The following CAMK1D variants were observed in gnomAD, a reference collection of about 807,000 sequenced individuals.
The protein encoded by CAMK1D is calcium/calmodulin-dependent protein kinase type 1D.
In CAMK1D, 9 loss-of-function variants were observed where a neutral mutation model predicts 47.7. That is an observed-to-expected ratio of 0.19 (90% CI 0.11 to 0.33). CAMK1D has a LOEUF of 0.33. Ranked by LOEUF, CAMK1D falls within the 10% of genes least tolerant of loss-of-function variation. The pLI is 1.00. For missense variants in CAMK1D, 291 were observed against 488.7 expected (o/e 0.60, Z 3.81); for synonymous variants, 184 against 184.9 (o/e 0.99, Z 0.04).
In CAMK1D at chr10:12,835,412, A is replaced by G. The variant is rs969187129; in HGVS notation, c.*6525A>G. ...CCCACATAGGTTTGCGGCACTGCAA[A>G]ATTGTTCATGGGTCTATGTAGCAAA... is the stretch of plus-strand genomic sequence containing the variant. On this transcript the variant is annotated 3_prime_UTR_variant, in exon 11 of 11. Coordinates refer to ENST00000619168, the MANE Select transcript of CAMK1D (RefSeq NM_153498.4). The G allele has an allele frequency of 6.6e-6, 1 of 152,218 alleles. No individual in the cohort carries two copies. The highest frequency in any genetic ancestry group is 1.5e-5 in the Non-Finnish European group (1 of 68,040). The allele number at this position is 152,218 out of a possible 1,614,324, so 9.4% of individuals were successfully genotyped here.
chr10:12,490,607 G>A (rs573304770), intron 1 of CAMK1D, among the ~76,000 whole-genome samples: 1 of 152,326 alleles, frequency 6.6e-6, no homozygotes, highest in East Asian at 1.9e-4. Context: ...CCAGCACTTT[G>A]GGAGGCCGAG....
intron 3 of CAMK1D, among the ~76,000 whole-genome samples, chr10:12,748,207 T>A (rs1180514071): frequency 6.6e-6 from 1 of 152,208 alleles, no homozygotes; most frequent in Non-Finnish European, 1.5e-5. Context: ...TAAAAGTTGT[T>A]CAAAAGCAAG....
intron 2 of CAMK1D, among the ~76,000 whole-genome samples, chr10:12,573,232 A>G (rs1467011841): frequency 6.6e-6 from 1 of 152,246 alleles, no homozygotes; most frequent in Non-Finnish European, 1.5e-5. Flanking sequence ...GCCCTGGGAT[A>G]GAAAGCAGGG....
intron 1 of CAMK1D, among the ~76,000 whole-genome samples, chr10:12,406,056 T>G (rs1839412889): frequency 6.6e-6 from 1 of 152,150 alleles, no homozygotes; most frequent in South Asian, 2.1e-4. Flanking sequence ...TAGGATTGAA[T>G]GGGTGCATCA....
chr10:12,798,160 A>G (rs1838276579), intron 6 of CAMK1D, among the ~76,000 whole-genome samples: 1 of 152,224 alleles, frequency 6.6e-6, no homozygotes, highest in Admixed American at 6.5e-5. Context: ...TTCAGGCCAG[A>G]TGGAGAAACA....
chr10:12,559,733 C>T (rs941381574), intron 2 of CAMK1D, among the ~76,000 whole-genome samples: 1 of 152,142 alleles, frequency 6.6e-6, no homozygotes, highest in Admixed American at 6.5e-5. Context: ...GTGAGAACCT[C>T]GCTTCTCAAG....
chr10:12,478,531 T>C (rs1314904897), intron 1 of CAMK1D, among the ~76,000 whole-genome samples: 4 of 152,098 alleles, frequency 2.6e-5, no homozygotes, highest in African/African-American at 9.7e-5. Flanking sequence ...GGTCTCAAAC[T>C]CCTGGCCCCA....
intron 3 of CAMK1D, among the ~76,000 whole-genome samples, chr10:12,740,052 G>A (rs956332117): frequency 1.3e-5 from 2 of 152,170 alleles, no homozygotes; most frequent in Admixed American, 6.5e-5. Context: ...AGTAGTTCCT[G>A]TGTGCTGTTT....
chr10:12,494,419 T>TAC (rs1045603607), intron 1 of CAMK1D, among the ~76,000 whole-genome samples: 9 of 151,976 alleles, frequency 5.9e-5, no homozygotes, highest in Admixed American at 2.0e-4. Context: ...CACACACACG[T>TAC]ACACACACAC....
At position 12,653,959 on chromosome 10, in the gene CAMK1D, T is replaced by A. The variant is rs778492839; in HGVS notation, c.225-12777T>A. Among the ~76,000 whole-genome samples, 2 of 152,212 alleles carry A rather than the reference T, an allele frequency of 1.3e-5. 1 individual carries two copies. Among genetic ancestry groups the A allele is most frequent in the East Asian group, 3.8e-4 (2 of 5,196 alleles). ...GGTCATGGGTTTGAGTTGTGAAATA[T>A]GGACCCTTCCATGTGGGTATCAGCA... On this transcript the variant is annotated intron_variant, in intron 2 of 10. Coordinates refer to ENST00000619168, the MANE Select transcript of CAMK1D (RefSeq NM_153498.4).
At chr10:12,528,466 A>G (rs185660088) in intron 1 of CAMK1D, among the ~76,000 whole-genome samples, 1 of 152,334 alleles carries the variant, frequency 6.6e-6, no homozygotes, top group East Asian at 1.9e-4. Flanking sequence ...ATTCTATAGT[A>G]CAGACAAGCG....
At chr10:12,378,176 A>G (rs181084634) in intron 1 of CAMK1D, among the ~76,000 whole-genome samples, 1 of 152,182 alleles carries the variant, frequency 6.6e-6, no homozygotes, top group Admixed American at 6.5e-5. Context: ...CCAGGGGCCC[A>G]TGTGCAAAGG....
intron 3 of CAMK1D, among the ~76,000 whole-genome samples, chr10:12,757,387 G>T (rs1588892016): frequency 6.6e-6 from 1 of 152,114 alleles, no homozygotes; most frequent in Non-Finnish European, 1.5e-5. Flanking sequence ...TTTAATTGGG[G>T]AACTTCATTT....
intron 1 of CAMK1D, among the ~76,000 whole-genome samples, chr10:12,490,363 G>A (rs1043225599): frequency 1.3e-5 from 2 of 152,168 alleles, no homozygotes; most frequent in Non-Finnish European, 2.9e-5. Flanking sequence ...AGGTCCTGTG[G>A]TGTGGAGGGG....
In CAMK1D at chr10:12,518,494, AT is replaced by A. The variant is rs1327670698; in HGVS notation, c.93-34719del. Among the ~76,000 whole-genome samples the A allele has an allele frequency of 1.2e-3, 40 of 32,210 alleles. 2 individuals are homozygous for A. Among genetic ancestry groups the A allele is most frequent in the Admixed American group, 1.8e-3 (7 of 3,784 alleles). The allele number at this position is 32,210 out of a possible 152,430, so 21.1% of individuals were successfully genotyped here. Reference sequence around the variant, plus strand: ...ATTCTTTTTTTATTTTTTATTTTTTATTTTTTTTTTTTATTGATCATTCTTG... The same window carrying A: ...ATTCTTTTTTTATTTTTTATTTTTTATTTTTTTTTTTATTGATCATTCTTG... On this transcript the variant is annotated intron_variant, in intron 1 of 10. Coordinates refer to ENST00000619168, the MANE Select transcript of CAMK1D (RefSeq NM_153498.4).
At chr10:12,649,538 C>T (rs962462303) in intron 2 of CAMK1D, among the ~76,000 whole-genome samples, 4 of 152,186 alleles carry the variant, frequency 2.6e-5, no homozygotes, top group Admixed American at 2.0e-4. Context: ...TTTCTGAAGA[C>T]ACAGGTATTC....
At chr10:12,574,736 C>T (rs1837438680) in intron 2 of CAMK1D, among the ~76,000 whole-genome samples, 1 of 152,132 alleles carries the variant, frequency 6.6e-6, no homozygotes, top group South Asian at 2.1e-4. Flanking sequence ...TTAATTGGTT[C>T]ATGGTTCTGC....
At chr10:12,682,175 G>C (rs1027089899) in intron 3 of CAMK1D, among the ~76,000 whole-genome samples, 1 of 152,142 alleles carries the variant, frequency 6.6e-6, no homozygotes, top group African/African-American at 2.4e-5. Flanking sequence ...AGCCGAGATC[G>C]CGTCACTGCA....
Position 12,645,345 on chromosome 10 carries a change from T to C in CAMK1D, c.225-21391T>C, listed in dbSNP as rs531551129. ...GAAGAGTGTAAGAAGTCTGTGAACG[T>C]CTTCACTTGCTGTCTGTATTAATTA... On this transcript the variant is annotated intron_variant, in intron 2 of 10. Coordinates refer to ENST00000619168, the MANE Select transcript of CAMK1D (RefSeq NM_153498.4). Among the ~76,000 whole-genome samples the C allele has an allele frequency of 3.9e-5, 6 of 152,342 alleles. No individual in the cohort carries two copies. The East Asian group carries it at 1.2e-3, about 29-fold the overall frequency.
Sources: allele counts gnomAD v4.1 joint callset (sites outside exome capture counted in the v4.1 genomes callset), GRCh38; gene constraint gnomAD v4.1.1; transcripts MANE v1.5; gene names NCBI Gene and HGNC (gene_info 2026-07-23, HGNC 2026-07-21).